The following PTPRT variants were observed in gnomAD, a reference collection of about 807,000 sequenced individuals.
PTPRT encodes the protein receptor-type tyrosine-protein phosphatase T.
In PTPRT, 56 loss-of-function variants were observed where a neutral mutation model predicts 176.8. The ratio of observed to expected loss-of-function variants is 0.32; its 90% CI spans 0.26 to 0.40. The LOEUF is 0.40. Among genes scored for constraint, PTPRT ranks in the 10% least tolerant of loss-of-function variants. The pLI is 1.00. For synonymous variants in PTPRT, 783 were observed against 739.0 expected, an observed-to-expected ratio of 1.06 and a Z score of -0.96; for missense variants, 1,540 against 1,908.2, an observed-to-expected ratio of 0.81 and a Z score of 3.60.
intron 10 of PTPRT, 40 bp downstream of exon 10, chr20:42,352,044 G>A (rs761085597): frequency 6.3e-7 from 1 of 1,589,130 alleles, no homozygotes; most frequent in Non-Finnish European, 8.6e-7. Flanking sequence ...AAGTGGGGGT[G>A]AAACAACCTT....
intron 7 of PTPRT, among the ~76,000 whole-genome samples, chr20:42,594,277 T>C (rs1174478406): frequency 6.6e-6 from 1 of 151,996 alleles, no homozygotes; most frequent in Non-Finnish European, 1.5e-5. Flanking sequence ...TCAATCCAGA[T>C]CCTGTCCCAC....
intron 16 of PTPRT, among the ~76,000 whole-genome samples, chr20:42,190,100 C>A (rs570256400): frequency 6.6e-6 from 1 of 151,732 alleles, no homozygotes; most frequent in African/African-American, 2.4e-5. Context: ...GTAAGATATT[C>A]AATAAAACTG....
At chr20:42,485,114 TA>T (rs957604799) in intron 7 of PTPRT, among the ~76,000 whole-genome samples, 1 of 152,202 alleles carries the variant, frequency 6.6e-6, no homozygotes, top group African/African-American at 2.4e-5. Context: ...TTGGAATGTT[TA>T]AAAATTACTT....
At chr20:42,700,070 A>G (rs577455405) in intron 6 of PTPRT, among the ~76,000 whole-genome samples, 1 of 152,188 alleles carries the variant, frequency 6.6e-6, no homozygotes, top group Non-Finnish European at 1.5e-5. Context: ...GCCACTGGGC[A>G]GTGAATCCAG....
intron 1 of PTPRT, among the ~76,000 whole-genome samples, chr20:43,116,643 CTG>C (rs1205577285): frequency 9.2e-5 from 14 of 152,336 alleles, no homozygotes; most frequent in African/African-American, 3.4e-4. Context: ...GGCTGCCCCT[CTG>C]TGTTTCAGTA....
At chr20:42,662,588 A>G (rs1369387501) in intron 7 of PTPRT, among the ~76,000 whole-genome samples, 1 of 152,158 alleles carries the variant, frequency 6.6e-6, no homozygotes, top group African/African-American at 2.4e-5. Flanking sequence ...CCAGTGAGGT[A>G]AGCAGCATTA....
chr20:42,488,551 CGTT>C (rs1426519311), intron 7 of PTPRT, among the ~76,000 whole-genome samples: 3 of 152,092 alleles, frequency 2.0e-5, no homozygotes, highest in Non-Finnish European at 2.9e-5. Flanking sequence ...TTTATAAACT[CGTT>C]GTTCAAATCC....
At chr20:42,705,460 G>T (rs1477676341) in intron 6 of PTPRT, among the ~76,000 whole-genome samples, 1 of 151,994 alleles carries the variant, frequency 6.6e-6, no homozygotes, top group Non-Finnish European at 1.5e-5. Context: ...TCACTAGGGT[G>T]GGGAGGAATG....
rs1012551602 is a variant in PTPRT at position 42,749,439 on chromosome 20, T to C, written c.859+7023A>G. Among the ~76,000 whole-genome samples the C allele has an allele frequency of 6.6e-5, 10 of 150,646 alleles. 1 individual carries two copies. In the Admixed American group the frequency reaches 6.7e-4, roughly 10 times the overall value. On this transcript the variant is annotated intron_variant, in intron 6 of 30. Coordinates refer to ENST00000373187, the MANE Select transcript of PTPRT (RefSeq NM_007050.6). ...GTTCCAACCTCTGTACACCTTTAGCTCACACCTGAATGCAGGGTCTACCAT... is the reference window on the plus strand; with the variant it reads ...GTTCCAACCTCTGTACACCTTTAGCCCACACCTGAATGCAGGGTCTACCAT...
chr20:42,882,074 G>C (rs149488729), intron 2 of PTPRT, among the ~76,000 whole-genome samples: 4 of 152,286 alleles, frequency 2.6e-5, no homozygotes, highest in Admixed American at 2.6e-4. Flanking sequence ...CAGGGAGCTC[G>C]TCATACAAAG....
chr20:42,442,503 C>T (rs1282805008), intron 9 of PTPRT, among the ~76,000 whole-genome samples: 1 of 152,202 alleles, frequency 6.6e-6, no homozygotes, highest in Non-Finnish European at 1.5e-5. Flanking sequence ...CTAGCATAAT[C>T]AAGACACCCA....
At chr20:42,524,798 T>C (rs190062712) in intron 7 of PTPRT, among the ~76,000 whole-genome samples, 1 of 152,288 alleles carries the variant, frequency 6.6e-6, no homozygotes, top group African/African-American at 2.4e-5. Context: ...TGTTTTCCTT[T>C]TTTTTCTCTC....
intron 7 of PTPRT, among the ~76,000 whole-genome samples, chr20:42,492,156 A>G (rs2071571300): frequency 6.6e-6 from 1 of 152,192 alleles, no homozygotes; most frequent in South Asian, 2.1e-4. Flanking sequence ...ACATTCATGT[A>G]TAAGTTTCTG....
At chr20:42,960,574 C>G (rs1225477752) in intron 1 of PTPRT, among the ~76,000 whole-genome samples, 3 of 152,124 alleles carry the variant, frequency 2.0e-5, no homozygotes, top group African/African-American at 7.2e-5. Flanking sequence ...CATGTAGTCG[C>G]ATTAATAGAA....
intron 16 of PTPRT, among the ~76,000 whole-genome samples, chr20:42,166,327 G>C (rs1488873929): frequency 6.6e-6 from 1 of 152,188 alleles, no homozygotes; most frequent in South Asian, 2.1e-4. Context: ...TGTTCAATAT[G>C]GTAGTCACTG....
chr20:43,097,048 C>T (rs1459502522), intron 1 of PTPRT, among the ~76,000 whole-genome samples: 1 of 152,218 alleles, frequency 6.6e-6, no homozygotes, highest in African/African-American at 2.4e-5. Context: ...ACACAGAACA[C>T]GAGGCCAAAC....
intron 7 of PTPRT, among the ~76,000 whole-genome samples, chr20:42,632,320 T>A (rs1161695016): frequency 1.3e-5 from 2 of 152,058 alleles, no homozygotes; most frequent in Non-Finnish European, 2.9e-5. Context: ...CTCACTGCAA[T>A]CTCTGCCTCC....
At chr20:42,622,047 T>C (rs958601022) in intron 7 of PTPRT, among the ~76,000 whole-genome samples, 2 of 152,192 alleles carry the variant, frequency 1.3e-5, no homozygotes, top group Admixed American at 1.3e-4. Context: ...TTGCTAACCG[T>C]TCTGCACACC....
intron 6 of PTPRT, among the ~76,000 whole-genome samples, chr20:42,736,420 T>C (rs1191076576): frequency 2.0e-5 from 3 of 152,150 alleles, no homozygotes; most frequent in Non-Finnish European, 2.9e-5. Context: ...TAGAGAAGTA[T>C]CCAAGCCCTG....
Sources: allele counts gnomAD v4.1 joint callset (sites outside exome capture counted in the v4.1 genomes callset), GRCh38; gene constraint gnomAD v4.1.1; transcripts MANE v1.5; gene names NCBI Gene and HGNC (gene_info 2026-07-23, HGNC 2026-07-21).